GRM8: variants seen among roughly 807,000 people sequenced by gnomAD.
GRM8 encodes the protein metabotropic glutamate receptor 8.
In GRM8, 47 loss-of-function variants were observed where a neutral mutation model predicts 87.2. That is an observed-to-expected ratio of 0.54 (90% CI 0.43 to 0.69). GRM8 has a LOEUF of 0.69. GRM8 is among the 30% of genes least tolerant of loss of function. The pLI is 0.00. For missense variants in GRM8, 1,019 were observed against 1,139.2 expected (o/e 0.89, Z 1.52); for synonymous variants, 396 against 404.5 (o/e 0.98, Z 0.25).
chr7:126,952,178 TA>T (rs1808233388), intron 3 of GRM8, among the ~76,000 whole-genome samples: 1 of 151,880 alleles, frequency 6.6e-6, no homozygotes, highest in Admixed American at 6.6e-5. Flanking sequence ...GCACAAACAC[TA>T]AATGAAAATA....
chr7:127,124,647 T>C (rs953697546), intron 2 of GRM8, among the ~76,000 whole-genome samples: 5 of 152,132 alleles, frequency 3.3e-5, no homozygotes, highest in Admixed American at 2.6e-4. Context: ...TTCTCTAAAA[T>C]GCAAACCTAC....
intron 3 of GRM8, among the ~76,000 whole-genome samples, chr7:127,032,096 C>T (rs889712555): frequency 4.6e-5 from 7 of 152,268 alleles, no homozygotes; most frequent in South Asian, 2.1e-4. Flanking sequence ...TATCCTATCA[C>T]ACCATCATGT....
intron 9 of GRM8, among the ~76,000 whole-genome samples, chr7:126,452,762 G>A (rs1330011044): frequency 1.3e-5 from 2 of 151,634 alleles, no homozygotes; most frequent in South Asian, 2.1e-4. Flanking sequence ...AAAGTCAGTC[G>A]TTTTCACTTT....
chr7:126,990,243 C>T (rs1326708975), intron 3 of GRM8, among the ~76,000 whole-genome samples: 1 of 151,796 alleles, frequency 6.6e-6, no homozygotes, highest in Non-Finnish European at 1.5e-5. Context: ...GCTTCTCTTG[C>T]AGCTAAGCAT....
At chr7:126,856,591 A>G (rs1797703887) in intron 6 of GRM8, among the ~76,000 whole-genome samples, 1 of 152,230 alleles carries the variant, frequency 6.6e-6, no homozygotes, top group South Asian at 2.1e-4. Flanking sequence ...TACTGAATAA[A>G]TTCATAATAT....
chr7:126,747,973 G>C (rs1815903504), intron 7 of GRM8, among the ~76,000 whole-genome samples: 1 of 151,576 alleles, frequency 6.6e-6, no homozygotes, highest in African/African-American at 2.4e-5. Flanking sequence ...TTATTTTATT[G>C]TGTCATATTA....
chr7:127,248,706 C>T (rs1335243345), intron 1 of GRM8, among the ~76,000 whole-genome samples: 2 of 152,206 alleles, frequency 1.3e-5, no homozygotes, highest in African/African-American at 4.8e-5. Context: ...TACTATTAGT[C>T]TAACAATCTG....
chr7:127,103,304 G>A (rs1011037728), intron 3 of GRM8, among the ~76,000 whole-genome samples: 3 of 152,198 alleles, frequency 2.0e-5, no homozygotes, highest in Non-Finnish European at 4.4e-5. Context: ...ATGGAGGCAG[G>A]GCCTGGTGGA....
chr7:126,729,441 C>T (rs565679862), intron 7 of GRM8, among the ~76,000 whole-genome samples: 3 of 152,146 alleles, frequency 2.0e-5, no homozygotes, highest in Non-Finnish European at 2.9e-5. Flanking sequence ...AAGGCCATGT[C>T]GATTCCAGAA....
At chr7:126,683,368 A>G (rs1807828621) in intron 7 of GRM8, among the ~76,000 whole-genome samples, 1 of 152,206 alleles carries the variant, frequency 6.6e-6, no homozygotes, top group African/African-American at 2.4e-5. Flanking sequence ...CTCATTCCCA[A>G]TGAAGCCTCT....
At chr7:126,501,187 T>G (rs920546853) in intron 9 of GRM8, among the ~76,000 whole-genome samples, 1 of 152,046 alleles carries the variant, frequency 6.6e-6, no homozygotes, top group East Asian at 1.9e-4. Context: ...AATACTTCCA[T>G]TCTACAGATT....
At chr7:126,643,070 T>G (rs984106928) in intron 7 of GRM8, among the ~76,000 whole-genome samples, 6 of 151,416 alleles carry the variant, frequency 4.0e-5, no homozygotes, top group South Asian at 4.2e-4. Flanking sequence ...GAGGGTGGAT[T>G]GTTTGAGCAT....
At chr7:126,666,720 AACACAG>A (rs1805815729) in intron 7 of GRM8, among the ~76,000 whole-genome samples, 1 of 152,188 alleles carries the variant, frequency 6.6e-6, no homozygotes, top group African/African-American at 2.4e-5. Context: ...AAATAGTAAC[AACACAG>A]ATTTGCAATC....
At chr7:126,672,204 A>G (rs1440386004) in intron 7 of GRM8, among the ~76,000 whole-genome samples, 2 of 152,154 alleles carry the variant, frequency 1.3e-5, no homozygotes, top group Non-Finnish European at 2.9e-5. Context: ...GGTAATTCCT[A>G]TTCTCTAGGT....
chr7:126,493,513 A>G (rs758105963), intron 9 of GRM8, among the ~76,000 whole-genome samples: 13 of 152,046 alleles, frequency 8.6e-5, no homozygotes, highest in Non-Finnish European at 1.5e-4. Context: ...ACAGATTTTA[A>G]CACAAGATGG....
chr7:126,597,816 A>G (rs1345729791), intron 8 of GRM8, among the ~76,000 whole-genome samples: 3 of 152,072 alleles, frequency 2.0e-5, no homozygotes, highest in Admixed American at 1.3e-4. Context: ...AGTTGTGCAT[A>G]TCTGTGGGGT....
chr7:126,903,506 A>T (rs1802306423), intron 5 of GRM8, among the ~76,000 whole-genome samples: 2 of 151,200 alleles, frequency 1.3e-5, no homozygotes, highest in South Asian at 4.2e-4. Flanking sequence ...ACATAATGGA[A>T]ATAACTGACT....
chr7:127,012,544 C>G (rs1815000048), intron 3 of GRM8, among the ~76,000 whole-genome samples: 1 of 152,074 alleles, frequency 6.6e-6, no homozygotes. Context: ...ACTTAAATAG[C>G]ATTTTTACTG....
intron 7 of GRM8, among the ~76,000 whole-genome samples, chr7:126,625,498 T>C (rs1434455004): frequency 1.3e-5 from 2 of 150,180 alleles, no homozygotes; most frequent in African/African-American, 2.4e-5. Flanking sequence ...CCAACTCTTC[T>C]TCTTGATCTA....
Sources: allele counts gnomAD v4.1 joint callset (sites outside exome capture counted in the v4.1 genomes callset), GRCh38; gene constraint gnomAD v4.1.1; transcripts MANE v1.5; gene names NCBI Gene and HGNC (gene_info 2026-07-23, HGNC 2026-07-21).